The following DMXL2 variants were observed in gnomAD, a reference collection of about 807,000 sequenced individuals.
DMXL2 encodes Dmx like 2.
A neutral mutation model predicts 331.1 loss-of-function variants in DMXL2; 103 were observed. That is an observed-to-expected ratio of 0.31 (90% confidence interval 0.27 to 0.37). The LOEUF (loss-of-function observed/expected upper bound fraction) is 0.37, where lower values mean the gene tolerates loss of function less well. Ranked by LOEUF, DMXL2 falls within the 10% of genes least tolerant of loss-of-function variation. The probability of loss-of-function intolerance (pLI) is 1.00; values close to 1 mark genes in which losing one functional copy is unlikely to be tolerated. For missense variants in DMXL2, 3,171 were observed against 3,642.9 expected, an observed-to-expected ratio of 0.87 and a Z score of 3.33; for synonymous variants, 1,281 against 1,252.1, an observed-to-expected ratio of 1.02 and a Z score of -0.49.
intron 1 of DMXL2, among the ~76,000 whole-genome samples, chr15:51,611,529 T>G (rs1416296375): frequency 6.6e-6 from 1 of 152,208 alleles, no homozygotes; most frequent in Non-Finnish European, 1.5e-5. Flanking sequence ...ATAAATGATT[T>G]TCTCTTTCTT....
intron 27 of DMXL2, among the ~76,000 whole-genome samples, chr15:51,476,187 C>T (rs1370140419): frequency 3.9e-5 from 6 of 152,050 alleles, no homozygotes; most frequent in African/African-American, 1.4e-4. Flanking sequence ...ATATGTACCA[C>T]AGAATAGTCA....
intron 19 of DMXL2, among the ~76,000 whole-genome samples, chr15:51,493,075 T>C (rs1436035170): frequency 2.0e-5 from 3 of 152,156 alleles, no homozygotes; most frequent in East Asian, 3.8e-4. Flanking sequence ...TAATGCAACA[T>C]GTCTTGGCTG....
In DMXL2 at chr15:51,611,397, T is replaced by A. The variant is rs77636785; in HGVS notation, c.87+11062A>T. ...TATTAGCAAAATAACTACCCAAAAA[T>A]CATTCAAGAAAGAAAATTACAGGTA... On this transcript the variant is annotated intron_variant, in intron 1 of 43. Coordinates refer to ENST00000560891, the MANE Select transcript of DMXL2 (RefSeq NM_001378457.1). Among the ~76,000 whole-genome samples, 238 of 152,248 alleles carry A rather than the reference T, an allele frequency of 1.6e-3. 1 individual carries two copies. In the East Asian group the frequency reaches 0.025, roughly 16 times the overall value.
intron 39 of DMXL2, among the ~76,000 whole-genome samples, chr15:51,455,560 T>A (rs1463842589): frequency 6.6e-6 from 1 of 152,162 alleles, no homozygotes; most frequent in Non-Finnish European, 1.5e-5. Flanking sequence ...CTGGGCTTTT[T>A]AAAAAAATTT....
At chr15:51,567,396 C>G (rs555448006) in intron 3 of DMXL2, 5 of 151,970 alleles carry the variant, frequency 3.3e-5, no homozygotes, top group African/African-American at 1.2e-4. Context: ...GCTTCCTACC[C>G]TTATGTACCT....
intron 11 of DMXL2, 103 bp from the exon 12 acceptor site, chr15:51,536,965 G>A: frequency 9.7e-7 from 1 of 1,036,024 alleles, no homozygotes; most frequent in Non-Finnish European, 1.4e-6. Flanking sequence ...ATCAAAAAAT[G>A]TCATTTTCAA....
rs2051009724 is a variant in DMXL2, at chr15:51,576,124, T to G, written c.145A>C (p.Ile49Leu). 1 of 1,490,606 alleles carries G rather than the reference T, an allele frequency of 6.7e-7. No individual in the cohort carries two copies. 92.3% of individuals were successfully genotyped at this position (1,490,606 alleles called of 1,614,324 possible). A position where few individuals can be genotyped will look rare whatever the true frequency, so the allele number is the denominator to read the frequency against. Residue 49 changes from isoleucine (I) to leucine (L), a missense_variant, in exon 2 of 44, where the codon ATC (isoleucine) becomes CTC (leucine). Coordinates refer to ENST00000560891, the MANE Select transcript of DMXL2 (RefSeq NM_001378457.1). ...ILANDFECVQ[I>L]IPGAKHGNIQ... is the part of the protein sequence containing the mutation. ...TTTCCATGCTTAGCACCAGGAATGATCTGTACACATTCAAAGTCATTTGCC... is the reference window on the plus strand; with the variant it reads ...TTTCCATGCTTAGCACCAGGAATGAGCTGTACACATTCAAAGTCATTTGCC...
Position 51,537,614 on chromosome 15 carries a change from C to T in DMXL2, c.1491G>A (p.Thr497=), listed in dbSNP as rs114265876. 2.2e-5 allele frequency: 36 copies of T among 1,613,840 alleles called. No homozygotes were observed. In the East Asian group the frequency reaches 5.6e-4, roughly 25 times the overall value. The change falls in exon 11 of 44, where the codon ACG becomes ACA. Residue 497 remains threonine, a synonymous_variant. Transcript: ENST00000560891. ...PTVLLDRKIE[T]LLTEWNKNPD... ...GATTCTTATTCCATTCAGTTAGCAGCGTTTCAATCTTCCGATCAAGCAGAA... is the reference window on the plus strand; with the variant it reads ...GATTCTTATTCCATTCAGTTAGCAGTGTTTCAATCTTCCGATCAAGCAGAA...
intron 1 of DMXL2, among the ~76,000 whole-genome samples, chr15:51,586,212 C>T (rs866095661): frequency 7.5e-4 from 114 of 152,218 alleles, no homozygotes; most frequent in African/African-American, 2.6e-3. Context: ...TTGGAAATAA[C>T]CTAATAACGA....
At position 51,450,630 on chromosome 15, in the gene DMXL2, T is replaced by G. The variant is rs76944462; in HGVS notation, c.8750-284A>C. 3.1e-3 allele frequency: 1,211 copies of G among 392,202 alleles called. 9 individuals carry two copies. Among genetic ancestry groups the G allele is most frequent in the African/African-American group, 0.024 (1,165 of 48,520 alleles). 24.3% of individuals were successfully genotyped at this position (392,202 alleles called of 1,614,324 possible). A position where few individuals can be genotyped will look rare whatever the true frequency, so the allele number is the denominator to read the frequency against. On this transcript the variant is annotated intron_variant, in intron 42 of 43. Transcript: ENST00000560891. The stretch of plus-strand genomic sequence containing the variant: ...AAGTGATACTGCCTCATAAAAAGTA[T>G]ACAGAAGAGCAGAGACCAACCTTCT...
chr15:51,606,279 C>A (rs1490810491), intron 1 of DMXL2, among the ~76,000 whole-genome samples: 1 of 152,174 alleles, frequency 6.6e-6, no homozygotes, highest in Non-Finnish European at 1.5e-5. Context: ...GCGATCTCAG[C>A]TCACTGCAAC....
At chr15:51,492,892 T>C (rs142388210) in intron 19 of DMXL2, among the ~76,000 whole-genome samples, 1,598 of 152,340 alleles carry the variant, frequency 0.01, 23 homozygotes, top group African/African-American at 0.037. Context: ...AACTACTATA[T>C]AGATTTTGTA....
rs147899264 is a variant in DMXL2, at chr15:51,546,410, GA to G, written c.747-645del. 2.0e-5 allele frequency among the ~76,000 whole-genome samples: 3 copies of G among 152,170 alleles called. No individual in the cohort carries two copies. In the East Asian group the frequency reaches 5.8e-4, roughly 29 times the overall value. ...AGATGACTTAAGCAGAATATATTTA[GA>G]TTCAAAAAGTATATAAATTTCCCAC... On this transcript the variant is annotated intron_variant, in intron 7 of 43. Transcript: ENST00000560891.
chr15:51,572,737 C>T (rs190033820), intron 2 of DMXL2, among the ~76,000 whole-genome samples: 142 of 152,220 alleles, frequency 9.3e-4, no homozygotes, highest in African/African-American at 3.4e-3. Context: ...ATTCAACAGC[C>T]CTTCATGCTA....
chr15:51,471,697 G>A (rs1273010036), intron 28 of DMXL2, among the ~76,000 whole-genome samples: 1 of 152,180 alleles, frequency 6.6e-6, no homozygotes, highest in East Asian at 1.9e-4. Context: ...ATTAAAGTGA[G>A]TGATTGACTG....
chr15:51,565,471 T>C (rs1422392119), intron 3 of DMXL2, among the ~76,000 whole-genome samples: 1 of 152,212 alleles, frequency 6.6e-6, no homozygotes, highest in Non-Finnish European at 1.5e-5. Flanking sequence ...CGTCTCCATC[T>C]GCAAACCCCT....
At chr15:51,598,735 T>C (rs544158030) in intron 1 of DMXL2, among the ~76,000 whole-genome samples, 12 of 152,340 alleles carry the variant, frequency 7.9e-5, no homozygotes, top group African/African-American at 2.6e-4. Flanking sequence ...AATGTTCTTA[T>C]TGCATTTTAT....
chr15:51,579,762 C>G (rs1743198839), intron 1 of DMXL2, among the ~76,000 whole-genome samples: 1 of 152,110 alleles, frequency 6.6e-6, no homozygotes, highest in Non-Finnish European at 1.5e-5. Context: ...GACTGATTTT[C>G]CAGCTAACAG....
At chr15:51,612,516 CAT>C (rs2054038621) in intron 1 of DMXL2, among the ~76,000 whole-genome samples, 1 of 152,116 alleles carries the variant, frequency 6.6e-6, no homozygotes. Flanking sequence ...GGAGACATCA[CAT>C]GTCAGCAGGT....
Sources: allele counts gnomAD v4.1 joint callset (sites outside exome capture counted in the v4.1 genomes callset), GRCh38; gene constraint gnomAD v4.1.1; transcripts MANE v1.5; gene names NCBI Gene and HGNC (gene_info 2026-07-23, HGNC 2026-07-21).